Variants in MAST3 observed in about 807,000 individuals in gnomAD.
MAST3 encodes microtubule-associated serine/threonine-protein kinase 3.
A neutral mutation model predicts 127.0 loss-of-function variants in MAST3; 43 were observed. That is an observed-to-expected ratio of 0.34 (90% CI 0.27 to 0.44). The LOEUF is 0.44. MAST3 is among the 20% of genes least tolerant of loss of function. MAST3 has a pLI of 1.00. For missense variants in MAST3, 1,390 were observed against 1,919.1 expected, an observed-to-expected ratio of 0.72 and a Z score of 5.15; for synonymous variants, 785 against 809.2, an observed-to-expected ratio of 0.97 and a Z score of 0.51.
intron 1 of MAST3, among the ~76,000 whole-genome samples, chr19:18,104,959 C>T (rs112755452): frequency 4.6e-5 from 7 of 152,240 alleles, no homozygotes; most frequent in African/African-American, 1.7e-4. Flanking sequence ...AACTGAGGCA[C>T]GGGGCATACA....
intron 1 of MAST3, among the ~76,000 whole-genome samples, chr19:18,102,995 CG>C (rs925464030): frequency 6.6e-6 from 1 of 151,922 alleles, no homozygotes; most frequent in African/African-American, 2.4e-5. Flanking sequence ...CAAGCGCAGA[CG>C]GGTATACCAT....
At chr19:18,119,604 C>T (rs1156388265) in intron 3 of MAST3, among the ~76,000 whole-genome samples, 2 of 152,210 alleles carry the variant, frequency 1.3e-5, no homozygotes, top group Non-Finnish European at 2.9e-5. Context: ...TGGCTGCCCT[C>T]CCGGCGTGAG....
chr19:18,130,208 G>A (rs771162173), intron 13 of MAST3, among the ~76,000 whole-genome samples: 25 of 152,096 alleles, frequency 1.6e-4, no homozygotes, highest in Non-Finnish European at 2.9e-4. Context: ...AGAGTGAGGC[G>A]CTATCTCAAA....
chr19:18,137,493 C>T (rs1410857459), intron 19 of MAST3, 132 bp downstream of exon 19: 6 of 1,019,678 alleles, frequency 5.9e-6, no homozygotes, highest in Middle Eastern at 2.3e-4. Flanking sequence ...CTTCCGACTT[C>T]CTGAGCCTTC....
chr19:18,100,979 G>A (rs1188437124), intron 1 of MAST3, among the ~76,000 whole-genome samples: 1 of 152,230 alleles, frequency 6.6e-6, no homozygotes, highest in East Asian at 1.9e-4. Flanking sequence ...TCTGAAAAAG[G>A]ATCCGGCCTG....
rs1053758228 is a variant in MAST3, at chr19:18,112,562, C to T, written c.161+1821C>T. On this transcript the variant is annotated intron_variant, in intron 3 of 27. Coordinates refer to ENST00000687212, the MANE Select transcript of MAST3 (RefSeq NM_001393504.1). This position sits in a 1 kb window ranked among gnomAD's most constrained non-coding sequence, Gnocchi z 4.1. ...GTTAGCTAGGCTGGTCTCGAGCTCC[C>T]GACCTCAAGTGATTCTCCCGCCTTG... Among the ~76,000 whole-genome samples the T allele has an allele frequency of 3.9e-5, 6 of 152,094 alleles. No individual in the cohort carries two copies. The highest frequency in any genetic ancestry group is 6.6e-5 in the Admixed American group (1 of 15,258).
chr19:18,146,266 C>G (rs139145647), intron 25 of MAST3, among the ~76,000 whole-genome samples: 137 of 152,294 alleles, frequency 9.0e-4, no homozygotes, highest in African/African-American at 3.3e-3. Context: ...GAGCGAGACC[C>G]CCATCTCTGC....
chr19:18,110,687 G>C lies in MAST3; in HGVS notation c.107G>C (p.Gly36Ala), dbSNP rs777836968. Reference protein sequence around the residue: ...SPSSQSPSLLGPSSPCSPCSP... With the variant: ...SPSSQSPSLLAPSSPCSPCSP... Reference sequence around the variant, plus strand: ...AGCAGCCAGAGCCCGTCCCTGCTGGGTCCCAGCAGCCCCTGCAGCCCCTGT... The same window carrying C: ...AGCAGCCAGAGCCCGTCCCTGCTGGCTCCCAGCAGCCCCTGCAGCCCCTGT... The change falls in exon 3 of 28, where the codon GGT becomes GCT. Residue 36 changes from glycine (G) to alanine (A), a missense_variant. Gly to Ala is a moderately conservative substitution (Grantham distance 60). Transcript: ENST00000687212. This position sits in a 1 kb window ranked among gnomAD's most constrained non-coding sequence, Gnocchi z 4.3. 4 of 985,920 alleles carry C rather than the reference G, an allele frequency of 4.1e-6. No individual in the cohort carries two copies. The highest frequency in any genetic ancestry group is 4.8e-6 in the Non-Finnish European group (4 of 830,020). The allele number at this position is 985,920 out of a possible 1,614,324, so 61.1% of individuals were successfully genotyped here.
At chr19:18,097,924 T>TGTAGGGAAACTGAGGCAGAGG in intron 1 of MAST3, 93 bp downstream of exon 1, 1 of 1,032,268 alleles carries the variant, frequency 9.7e-7, no homozygotes. Context: ...CTTCACGGGC[T>TGTAGGGAAACTGAGGCAGAGG]GTAGGGAAAC....
rs575374978 is a variant in MAST3, at chr19:18,128,530, G to C, written c.1137+72G>C. On this transcript the variant is annotated intron_variant, in intron 12 of 27. Transcript: ENST00000687212. Reference sequence around the variant, plus strand: ...GAGTGGACCAGGCACCCGCAGAAAGGGCTGGGTTTGCCGAGGTCTTGCATG... The same window carrying C: ...GAGTGGACCAGGCACCCGCAGAAAGCGCTGGGTTTGCCGAGGTCTTGCATG... 32 of 1,460,656 alleles carry C rather than the reference G, an allele frequency of 2.2e-5. 1 individual carries two copies. In the African/African-American group the frequency reaches 3.5e-4, roughly 16 times the overall value. The allele number at this position is 1,460,656 out of a possible 1,614,324, so 90.5% of individuals were successfully genotyped here. A position where few individuals can be genotyped will look rare whatever the true frequency, so the allele number is the denominator to read the frequency against.
rs748598109 is a variant in MAST3, at chr19:18,145,220, C to T, written c.3030C>T (p.His1010=). 10 of 1,613,410 alleles carry T rather than the reference C, an allele frequency of 6.2e-6. No individual in the cohort carries two copies. The highest frequency in any genetic ancestry group is 4.0e-5 in the African/African-American group (3 of 74,904). Residue 1010 remains histidine, a synonymous_variant, in exon 24 of 28, where the codon CAC becomes CAT. Coordinates refer to ENST00000687212, the MANE Select transcript of MAST3 (RefSeq NM_001393504.1). The surrounding 1 kb of genome is among the most constrained non-coding windows in gnomAD (Gnocchi z 5.9). ...ATAGCGACGTCTACACTGTGCACCA[C>T]GTCGTCTGGGTGAGTGCCGAGTGGG... is the stretch of plus-strand genomic sequence containing the variant. ...MGDSDVYTVH[H]VVWSVEDGSP...
Position 18,145,212 on chromosome 19 carries a change from G to C in MAST3, c.3022G>C (p.Val1008Leu), listed in dbSNP as rs779477524. Residue 1008 changes from valine (V) to leucine (L), a missense_variant, in exon 24 of 28, where the codon GTG becomes CTG. Physicochemically the swap from Val to Leu is conservative, Grantham distance 32. Around this residue, in one of 5 missense-constraint regions of MAST3, gnomAD observed 816 missense variants for 934.1 expected, o/e 0.87. Coordinates refer to ENST00000687212, the MANE Select transcript of MAST3 (RefSeq NM_001393504.1). The surrounding 1 kb of genome is among the most constrained non-coding windows in gnomAD (Gnocchi z 5.9). The stretch of plus-strand genomic sequence containing the variant: ...CATGGGTGATAGCGACGTCTACACT[G>C]TGCACCACGTCGTCTGGGTGAGTGC... ...VYMGDSDVYT[V>L]HHVVWSVEDG... is the part of the protein sequence containing the mutation. 4 of 1,613,744 alleles carry C rather than the reference G, an allele frequency of 2.5e-6. No individual in the cohort carries two copies. Among genetic ancestry groups the C allele is most frequent in the Non-Finnish European group, 3.4e-6 (4 of 1,179,720 alleles).
intron 20 of MAST3, among the ~76,000 whole-genome samples, chr19:18,141,452 A>C (rs1356837733): frequency 1.4e-5 from 2 of 139,008 alleles, no homozygotes; most frequent in East Asian, 4.4e-4. Context: ...GGCTCACTGC[A>C]ACCTCCGCCT....
chr19:18,149,175 C>T lies in MAST3; in HGVS notation c.3509-16C>T, dbSNP rs756941129. ...CATTGAGGCCAGCAGCCCTGACCTACGCTTATCACCCACAGATACCACTGC... is the reference window on the plus strand; with the variant it reads ...CATTGAGGCCAGCAGCCCTGACCTATGCTTATCACCCACAGATACCACTGC... On this transcript the variant is annotated splice_polypyrimidine_tract_variant and intron_variant, in intron 27 of 27. Coordinates refer to ENST00000687212, the MANE Select transcript of MAST3 (RefSeq NM_001393504.1). This position sits in a 1 kb window ranked among gnomAD's most constrained non-coding sequence, Gnocchi z 5.9. The T allele has an allele frequency of 1.7e-5, 26 of 1,486,960 alleles. No homozygotes were observed. The highest frequency in any genetic ancestry group is 2.5e-4 in the Middle Eastern group (1 of 4,022). The allele number at this position is 1,486,960 out of a possible 1,614,324, so 92.1% of individuals were successfully genotyped here.
chr19:18,135,780 A>C lies in MAST3; in HGVS notation c.1911A>C (p.Ala637=). The change falls in exon 18 of 28, where the codon GCA becomes GCC. Residue 637 remains alanine, a synonymous_variant. Coordinates refer to ENST00000687212, the MANE Select transcript of MAST3 (RefSeq NM_001393504.1). ...MWPEGDEALP[A]DAQDLITRLL... ...CAGAGGGAGATGAGGCCCTTCCAGC[A>C]GACGCCCAGGACCTCATCACCAGGT... The C allele has an allele frequency of 6.2e-7, 1 of 1,612,408 alleles. No homozygotes were observed. The highest frequency in any genetic ancestry group is 8.5e-7 in the Non-Finnish European group (1 of 1,179,220).
intron 3 of MAST3, among the ~76,000 whole-genome samples, chr19:18,114,592 G>C (rs528408974): frequency 5.3e-5 from 8 of 152,292 alleles, no homozygotes; most frequent in African/African-American, 1.9e-4. Flanking sequence ...GTCTGTCCTG[G>C]TCATATCGTA....
chr19:18,106,785 G>A (rs2038102346), intron 1 of MAST3, among the ~76,000 whole-genome samples: 1 of 151,170 alleles, frequency 6.6e-6, no homozygotes, highest in South Asian at 2.1e-4. Flanking sequence ...TGGCCAGGCT[G>A]GTCTTGAACT....
chr19:18,111,760 C>G (rs1291996720), intron 3 of MAST3, among the ~76,000 whole-genome samples: 1 of 152,074 alleles, frequency 6.6e-6, no homozygotes, highest in Non-Finnish European at 1.5e-5. Flanking sequence ...TCGCAAACCC[C>G]TCTGCCTCAG....
chr19:18,102,162 T>C (rs1157051650), intron 1 of MAST3, among the ~76,000 whole-genome samples: 1 of 151,786 alleles, frequency 6.6e-6, no homozygotes, highest in Non-Finnish European at 1.5e-5. Flanking sequence ...TTACAGGTGT[T>C]AGCCACTGCG....
Sources: gnomAD v4.1 joint callset for allele counts (sites outside exome capture counted in the v4.1 genomes callset) on GRCh38, gnomAD v4.1.1 for gene constraint, gnomAD v4.1.1 regional missense constraint, Gnocchi (gnomAD v3.1) non-coding constraint, MANE v1.5 for transcripts, NCBI Gene and HGNC (gene_info 2026-07-23, HGNC 2026-07-21) for gene names.